CNTLN: variants seen among roughly 807,000 people sequenced by gnomAD.
The protein encoded by CNTLN is centlein, also known as centlein, centrosomal protein.
In CNTLN, 212 loss-of-function variants were observed where a neutral mutation model predicts 180.0. That is an observed-to-expected ratio of 1.18 (90% confidence interval 1.05 to 1.32). CNTLN has a LOEUF of 1.32. CNTLN is among the 40% of genes most tolerant of loss of function. CNTLN has a pLI of 0.00. For missense variants in CNTLN, 2,095 were observed against 1,610.9 expected (o/e 1.30, Z -5.14); for synonymous variants, 722 against 563.1 (o/e 1.28, Z -3.99).
intron 6 of CNTLN, among the ~76,000 whole-genome samples, chr9:17,295,021 C>G (rs80107744): frequency 9.7e-4 from 147 of 151,324 alleles, no homozygotes; most frequent in African/African-American, 3.5e-3. Flanking sequence ...AGAGCAGCGC[C>G]GGTGGGCCAA....
chr9:17,414,408 A>G (rs1376356944), intron 16 of CNTLN, among the ~76,000 whole-genome samples: 1 of 152,178 alleles, frequency 6.6e-6, no homozygotes, highest in Non-Finnish European at 1.5e-5. Context: ...TGTTAATTTG[A>G]TACCAAATCT....
chr9:17,253,968 T>C (rs2132296835), intron 5 of CNTLN, among the ~76,000 whole-genome samples: 1 of 151,654 alleles, frequency 6.6e-6, no homozygotes, highest in East Asian at 1.9e-4. Flanking sequence ...CCTAGTTTGT[T>C]GACAGTTTCT....
At chr9:17,441,555 C>A (rs1588001699) in intron 18 of CNTLN, among the ~76,000 whole-genome samples, 1 of 133,308 alleles carries the variant, frequency 7.5e-6, no homozygotes. Flanking sequence ...ATAGAAGATA[C>A]ATGAAGAAAG....
At chr9:17,250,478 T>G (rs777675997) in intron 5 of CNTLN, among the ~76,000 whole-genome samples, 1 of 152,052 alleles carries the variant, frequency 6.6e-6, no homozygotes, top group Non-Finnish European at 1.5e-5. Flanking sequence ...TAGTGACACA[T>G]TTCGATTTTG....
rs1399597342 is a variant in CNTLN at position 17,143,384 on chromosome 9, C to G, written c.449+8C>G. ...CAGTTTGGTTGTGGAAAGGTGAGCT[C>G]TCAAATTATTTTTTCATGAGTATTT... On this transcript the variant is annotated splice_region_variant and intron_variant, in intron 2 of 25. Coordinates refer to ENST00000380647, the MANE Select transcript of CNTLN (RefSeq NM_017738.4). 3 of 1,607,542 alleles carry G rather than the reference C, an allele frequency of 1.9e-6. No homozygotes were observed. The highest frequency in any genetic ancestry group is 1.7e-6 in the Non-Finnish European group (2 of 1,174,902).
chr9:17,360,970 A>T (rs989412719), intron 12 of CNTLN, among the ~76,000 whole-genome samples: 1 of 152,150 alleles, frequency 6.6e-6, no homozygotes, highest in East Asian at 1.9e-4. Flanking sequence ...AATGTTCTGT[A>T]TCCTTACTTA....
At chr9:17,199,836 A>G (rs1822402539) in intron 2 of CNTLN, among the ~76,000 whole-genome samples, 1 of 152,024 alleles carries the variant, frequency 6.6e-6, no homozygotes, top group Non-Finnish European at 1.5e-5. Flanking sequence ...ATAAGTTTTT[A>G]GTTTAATTAG....
the CNTLN span, among the ~76,000 whole-genome samples, chr9:17,517,350 C>T: frequency 3.3e-5 from 5 of 151,106 alleles, no homozygotes; most frequent in African/African-American, 1.2e-4. Flanking sequence ...CAAGATTGCA[C>T]CCCTGCACTC....
chr9:17,463,452 T>C (rs1831568901), intron 20 of CNTLN, among the ~76,000 whole-genome samples: 1 of 151,596 alleles, frequency 6.6e-6, no homozygotes, highest in South Asian at 2.1e-4. Context: ...TGTTTATCAG[T>C]ACAAAGATTT....
intron 12 of CNTLN, among the ~76,000 whole-genome samples, chr9:17,360,110 C>A (rs938919174): frequency 6.6e-6 from 1 of 151,982 alleles, no homozygotes; most frequent in African/African-American, 2.4e-5. Context: ...TTTTGCTGTG[C>A]CTTACAAATT....
intron 2 of CNTLN, among the ~76,000 whole-genome samples, chr9:17,186,217 TC>T (rs1293422253): frequency 6.6e-6 from 1 of 152,206 alleles, no homozygotes; most frequent in Non-Finnish European, 1.5e-5. Context: ...AGAGATGAAT[TC>T]CTTGAAAAGG....
the CNTLN span, among the ~76,000 whole-genome samples, chr9:17,524,906 CTGT>C: frequency 3.3e-5 from 5 of 152,148 alleles, no homozygotes; most frequent in African/African-American, 1.2e-4. Context: ...TCCACTTGTC[CTGT>C]TGTTGCTAGG....
intron 10 of CNTLN, among the ~76,000 whole-genome samples, chr9:17,333,972 T>G (rs1231858509): frequency 6.6e-6 from 1 of 152,166 alleles, no homozygotes; most frequent in East Asian, 1.9e-4. Flanking sequence ...AGTAGTTAAC[T>G]CTTGTGTTAA....
intron 2 of CNTLN, among the ~76,000 whole-genome samples, chr9:17,149,663 G>A (rs1275032017): frequency 8.6e-5 from 13 of 151,618 alleles, no homozygotes; most frequent in Admixed American, 2.0e-4. Context: ...GACTATAGGC[G>A]CCCGCCACCA....
the CNTLN span, among the ~76,000 whole-genome samples, chr9:17,510,640 C>G: frequency 6.6e-6 from 1 of 152,306 alleles, no homozygotes; most frequent in African/African-American, 2.4e-5. Context: ...TGCCTTTGGA[C>G]TTGAATTACA....
At chr9:17,166,807 C>G in intron 2 of CNTLN, 1 of 389,190 alleles carries the variant, frequency 2.6e-6, no homozygotes, top group South Asian at 2.0e-5. Flanking sequence ...TCTCCCATTA[C>G]ATATTCTTAG....
At chr9:17,302,089 T>TAC (rs35043839) in intron 7 of CNTLN, 16,413 of 925,398 alleles carry the variant, frequency 0.018, 76 homozygotes, top group African/African-American at 0.054. Context: ...CACATATGTG[T>TAC]ACACACACAC....
intron 13 of CNTLN, among the ~76,000 whole-genome samples, chr9:17,373,535 T>C (rs1286391136): frequency 6.6e-6 from 1 of 152,114 alleles, no homozygotes; most frequent in East Asian, 1.9e-4. Flanking sequence ...TTAACAATAT[T>C]GTTAAAATGA....
At chr9:17,277,307 G>C (rs1263223133) in intron 6 of CNTLN, among the ~76,000 whole-genome samples, 1 of 151,968 alleles carries the variant, frequency 6.6e-6, no homozygotes, top group African/African-American at 2.4e-5. Context: ...TTCTACAATT[G>C]AGATGAGAAT....
Sources: gnomAD v4.1 joint callset for allele counts (sites outside exome capture counted in the v4.1 genomes callset) on GRCh38, gnomAD v4.1.1 for gene constraint, MANE v1.5 for transcripts, NCBI Gene and HGNC (gene_info 2026-07-23, HGNC 2026-07-21) for gene names.